The following RBFOX1 variants were observed in gnomAD, a reference collection of about 807,000 sequenced individuals.
RBFOX1 encodes the protein RNA binding protein fox-1 homolog 1.
RBFOX1 carries 8 observed loss-of-function variants against 57.7 expected under a neutral mutation model. That is an observed-to-expected ratio of 0.14 (90% confidence interval 0.08 to 0.25). RBFOX1 has a LOEUF of 0.25. RBFOX1 is among the 10% of genes least tolerant of loss of function. The pLI is 1.00. For missense variants in RBFOX1, 611 were observed against 548.5 expected, an observed-to-expected ratio of 1.11 and a Z score of -1.14; for synonymous variants, 326 against 222.4, an observed-to-expected ratio of 1.47 and a Z score of -4.15.
chr16:6,510,174 C>G (rs992916081), intron 2 of RBFOX1, among the ~76,000 whole-genome samples: 5 of 152,150 alleles, frequency 3.3e-5, no homozygotes, highest in Non-Finnish European at 5.9e-5. Context: ...TATGTATGCT[C>G]TCTTCCTCAT....
chr16:5,382,495 T>C (rs943206100), intron 1 of RBFOX1, among the ~76,000 whole-genome samples: 7 of 152,242 alleles, frequency 4.6e-5, no homozygotes, highest in Non-Finnish European at 7.3e-5. Context: ...GTAGAATTTA[T>C]GATTTGCAAT....
chr16:7,046,603 C>CTTTTTTTTTTTTTTTTTTTTTT (rs59921108), intron 3 of RBFOX1, among the ~76,000 whole-genome samples: 1 of 85,012 alleles, frequency 1.2e-5, no homozygotes, highest in Non-Finnish European at 2.2e-5. Flanking sequence ...TGTGTTTTAT[C>CTTTTTTTTTTTTTTTTTTTTTT]TTTTTTTTTT....
chr16:7,313,349 T>C (rs2096363861), intron 4 of RBFOX1, among the ~76,000 whole-genome samples: 1 of 152,182 alleles, frequency 6.6e-6, no homozygotes, highest in Non-Finnish European at 1.5e-5. Context: ...AAATTCTCTT[T>C]TCTTCATGGT....
At chr16:7,086,588 A>C (rs1330777491) in intron 4 of RBFOX1, among the ~76,000 whole-genome samples, 1 of 152,150 alleles carries the variant, frequency 6.6e-6, no homozygotes, top group Non-Finnish European at 1.5e-5. Context: ...AATTATGGAT[A>C]CTTTCAGGAA....
At chr16:5,920,059 G>A (rs565789082) in intron 4 of RBFOX1, among the ~76,000 whole-genome samples, 2 of 152,090 alleles carry the variant, frequency 1.3e-5, no homozygotes, top group Non-Finnish European at 2.9e-5. Flanking sequence ...TCAGCCTCCC[G>A]AGTAGCGGGG....
At chr16:6,334,262 C>T (rs1418940113) in intron 2 of RBFOX1, among the ~76,000 whole-genome samples, 2 of 152,010 alleles carry the variant, frequency 1.3e-5, no homozygotes, top group African/African-American at 2.4e-5. Flanking sequence ...AATCCTAGCG[C>T]TTTGGGAGGC....
intron 4 of RBFOX1, among the ~76,000 whole-genome samples, chr16:7,504,731 A>T (rs2063089): frequency 0.039 from 269 of 6,874 alleles, 6 homozygotes; most frequent in Non-Finnish European, 0.075. Flanking sequence ...ATATATATAT[A>T]TATATATATA....
chr16:7,270,066 A>C (rs572882026), intron 4 of RBFOX1, among the ~76,000 whole-genome samples: 53 of 152,338 alleles, frequency 3.5e-4, no homozygotes, highest in African/African-American at 1.2e-3. Context: ...TACTGTGGAA[A>C]GTAGATACTA....
At chr16:6,598,039 T>TA (rs1322208528) in intron 2 of RBFOX1, among the ~76,000 whole-genome samples, 2 of 152,244 alleles carry the variant, frequency 1.3e-5, no homozygotes, top group Non-Finnish European at 2.9e-5. Flanking sequence ...ATGATATCTT[T>TA]ATGGTTATAG....
chr16:5,600,597 C>T (rs17138186), downstream of RBFOX1, among the ~76,000 whole-genome samples: 12,942 of 151,870 alleles, frequency 0.085, 1,068 homozygotes, highest in African/African-American at 0.22. Flanking sequence ...ACTGACCCTT[C>T]GTGCAAACTG....
At chr16:7,325,821 G>T (rs2096604125) in intron 4 of RBFOX1, among the ~76,000 whole-genome samples, 1 of 152,110 alleles carries the variant, frequency 6.6e-6, no homozygotes, top group Admixed American at 6.6e-5. Flanking sequence ...GTTAGTCCTT[G>T]GTATTCTAAA....
At chr16:6,825,958 C>T (rs989404028) in intron 3 of RBFOX1, among the ~76,000 whole-genome samples, 21 of 152,166 alleles carry the variant, frequency 1.4e-4, no homozygotes, top group Non-Finnish European at 2.1e-4. Context: ...CATCCTTTAA[C>T]GATACGAGTT....
At chr16:7,486,467 T>C (rs2065423658) in intron 4 of RBFOX1, among the ~76,000 whole-genome samples, 1 of 151,996 alleles carries the variant, frequency 6.6e-6, no homozygotes, top group Non-Finnish European at 1.5e-5. Context: ...CAGTTAGATT[T>C]GTCCAGTTAA....
At chr16:5,915,488 G>C (rs181174970) in intron 4 of RBFOX1, among the ~76,000 whole-genome samples, 1 of 152,244 alleles carries the variant, frequency 6.6e-6, no homozygotes, top group Non-Finnish European at 1.5e-5. Context: ...TGAATGAGAC[G>C]GCAGGGTTCC....
intron 3 of RBFOX1, among the ~76,000 whole-genome samples, chr16:5,830,958 C>T (rs1336283617): frequency 8.4e-6 from 1 of 119,644 alleles, no homozygotes; most frequent in Non-Finnish European, 1.9e-5. Flanking sequence ...CACCTGCCAC[C>T]ATTTCCTATC....
intron 2 of RBFOX1, among the ~76,000 whole-genome samples, chr16:6,427,217 T>A (rs2093955360): frequency 6.6e-6 from 1 of 152,230 alleles, no homozygotes; most frequent in Non-Finnish European, 1.5e-5. Context: ...TGCCCTCTGC[T>A]GATGGAATGT....
intron 3 of RBFOX1, among the ~76,000 whole-genome samples, chr16:6,662,257 C>T (rs1450610614): frequency 1.3e-5 from 2 of 151,998 alleles, no homozygotes; most frequent in South Asian, 4.1e-4. Context: ...ACTTGAAATG[C>T]GGTAAGAGAG....
At chr16:5,846,255 C>T (rs1383761298) in intron 3 of RBFOX1, among the ~76,000 whole-genome samples, 1 of 151,156 alleles carries the variant, frequency 6.6e-6, no homozygotes, top group East Asian at 1.9e-4. Flanking sequence ...TGGTGGAGGC[C>T]CAGTAGTAGC....
intron 3 of RBFOX1, among the ~76,000 whole-genome samples, chr16:6,767,180 G>C (rs1045412664): frequency 6.6e-6 from 1 of 152,146 alleles, no homozygotes; most frequent in Admixed American, 6.5e-5. Flanking sequence ...TCTAGAGTTG[G>C]GTATGGAACC....
Sources: gnomAD v4.1 joint callset for allele counts (sites outside exome capture counted in the v4.1 genomes callset) on GRCh38, gnomAD v4.1.1 for gene constraint, MANE v1.5 for transcripts, NCBI Gene and HGNC (gene_info 2026-07-23, HGNC 2026-07-21) for gene names.